The following SREBF2 variants were observed in gnomAD, a reference collection of about 807,000 sequenced individuals.
The protein encoded by SREBF2 is sterol regulatory element binding transcription factor 2.
A neutral mutation model predicts 113.1 loss-of-function variants in SREBF2; 55 were observed. The observed-to-expected ratio is 0.49, with a 90% confidence interval of 0.39 to 0.61. The LOEUF (loss-of-function observed/expected upper bound fraction) is 0.61. SREBF2 is among the 20% of genes least tolerant of loss of function. SREBF2 has a pLI of 0.00. For synonymous variants in SREBF2, 593 were observed against 605.7 expected, an observed-to-expected ratio of 0.98 and a Z score of 0.31; for missense variants, 1,349 against 1,487.4, an observed-to-expected ratio of 0.91 and a Z score of 1.53.
chr22:41,897,263 A>G, intron 14 of SREBF2, 102 bp downstream of exon 14: 1 of 683,998 alleles, frequency 1.5e-6, no homozygotes, highest in South Asian at 1.8e-5. Flanking sequence ...AGATGCCAGC[A>G]TCTTCTCTGG....
At chr22:41,878,635 A>G (rs1332041249) in intron 9 of SREBF2, 2 of 1,286,226 alleles carry the variant, frequency 1.6e-6, no homozygotes, top group African/African-American at 3.1e-5. Flanking sequence ...AAACTAGCTG[A>G]AAGTTTTCAT....
intron 9 of SREBF2, chr22:41,878,853 C>A: frequency 1.3e-6 from 1 of 743,282 alleles, no homozygotes; most frequent in Non-Finnish European, 2.0e-6. Flanking sequence ...CTTGCTGGGG[C>A]TATGGGTCTC....
intron 1 of SREBF2, among the ~76,000 whole-genome samples, chr22:41,854,252 C>T (rs1422300908): frequency 6.6e-6 from 1 of 151,538 alleles, no homozygotes; most frequent in African/African-American, 2.4e-5. Flanking sequence ...CAACCCCTGC[C>T]TCCCAGGTTC....
Position 41,897,166 on chromosome 22 carries a change from G to T in SREBF2, c.2605+5G>T, listed in dbSNP as rs754394304. The T allele has an allele frequency of 6.2e-7, 1 of 1,603,910 alleles. No homozygotes were observed. Among genetic ancestry groups the T allele is most frequent in the South Asian group, 1.1e-5 (1 of 90,336 alleles). On this transcript the variant is annotated splice_donor_5th_base_variant and intron_variant, in intron 14 of 18. Transcript: ENST00000361204. ...CCGTGCTCAAGTCCGCCCTGGGTAA[G>T]CACCTGCGGGTGGCCCACAGTCTCA... is the stretch of plus-strand genomic sequence containing the variant.
intron 5 of SREBF2, 67 bp downstream of exon 5, chr22:41,874,086 G>A: frequency 6.5e-7 from 1 of 1,545,382 alleles, no homozygotes; most frequent in Non-Finnish European, 8.9e-7. Context: ...TGCCTCAGGA[G>A]CCTAGAGAAG....
chr22:41,857,407 G>C (rs1318883016), intron 1 of SREBF2, among the ~76,000 whole-genome samples: 4 of 152,198 alleles, frequency 2.6e-5, no homozygotes, highest in Admixed American at 2.6e-4. Context: ...TGAGAGGCGG[G>C]GAGAGAGAGC....
rs907700636 is a variant in SREBF2, at chr22:41,899,663, C to T, written c.2739-667C>T. The stretch of plus-strand genomic sequence containing the variant: ...ACTCTGACTAGGTAAGCACCCAGCC[C>T]GGTATAGCATTCCACCTGTATGTGT... On this transcript the variant is annotated intron_variant, in intron 15 of 18. Transcript: ENST00000361204. The T allele has an allele frequency of 1.1e-4, 83 of 743,158 alleles. No individual in the cohort carries two copies. The African/African-American group carries it at 1.2e-3, about 11-fold the overall frequency. 46.0% of individuals were successfully genotyped at this position (743,158 alleles called of 1,614,324 possible).
chr22:41,842,847 G>A (rs570551385), intron 1 of SREBF2, among the ~76,000 whole-genome samples: 3 of 152,106 alleles, frequency 2.0e-5, no homozygotes, highest in African/African-American at 7.2e-5. Context: ...AAAATTAGCC[G>A]GGCGTGGTGG....
intron 1 of SREBF2, among the ~76,000 whole-genome samples, chr22:41,855,028 A>C (rs1339988640): frequency 6.6e-6 from 1 of 151,964 alleles, no homozygotes; most frequent in African/African-American, 2.4e-5. Flanking sequence ...TTAAAAAAAA[A>C]AAAAAAACTT....
intron 16 of SREBF2, 93 bp from the exon 17 acceptor site, chr22:41,902,877 G>A: frequency 7.4e-7 from 1 of 1,356,388 alleles, no homozygotes; most frequent in East Asian, 2.5e-5. Context: ...GCTGCTGAGT[G>A]TTGGTCTGGG....
intron 1 of SREBF2, among the ~76,000 whole-genome samples, chr22:41,842,113 A>C (rs927433710): frequency 1.3e-5 from 2 of 152,202 alleles, no homozygotes; most frequent in Non-Finnish European, 2.9e-5. Context: ...TGGGAATTAC[A>C]ACTTGGAAAT....
At chr22:41,870,744 A>C (rs2077132226) in intron 3 of SREBF2, 145 bp from the exon 4 acceptor site, 1 of 1,203,298 alleles carries the variant, frequency 8.3e-7, no homozygotes, top group Admixed American at 2.0e-5. Context: ...GCCTCTATGA[A>C]ATTTCCTGTT....
intron 12 of SREBF2, among the ~76,000 whole-genome samples, chr22:41,894,225 A>T (rs1045679116): frequency 1.3e-5 from 2 of 152,086 alleles, no homozygotes; most frequent in African/African-American, 4.8e-5. Context: ...CGAGGCCCAC[A>T]TATCTGCCAC....
At chr22:41,900,064 T>G (rs1362443027) in intron 15 of SREBF2, 1 of 1,389,620 alleles carries the variant, frequency 7.2e-7, no homozygotes, top group Non-Finnish European at 9.4e-7. Flanking sequence ...CTTGGGTGGC[T>G]TCTTAGCAGC....
In SREBF2 at chr22:41,884,861, C is replaced by A. The variant is rs750987960; in HGVS notation, c.2058C>A (p.Ser686=). Residue 686 remains serine, a synonymous_variant, in exon 11 of 19, where the codon TCC becomes TCA. Transcript: ENST00000361204. ...LHITGKLPAG[S]ACSDVHMALC... Reference sequence around the variant, plus strand: ...CCCTAGGGAAGCTTCCTGCAGGATCCGCCTGTTCCGATGTACACATGGCGT... The same window carrying A: ...CCCTAGGGAAGCTTCCTGCAGGATCAGCCTGTTCCGATGTACACATGGCGT... The A allele has an allele frequency of 1.9e-5, 31 of 1,614,072 alleles. No homozygotes were observed. Among genetic ancestry groups the A allele is most frequent in the Non-Finnish European group, 2.5e-5 (30 of 1,180,050 alleles).
intron 11 of SREBF2, among the ~76,000 whole-genome samples, chr22:41,890,134 TG>T (rs1326131173): frequency 6.6e-6 from 1 of 152,228 alleles, no homozygotes; most frequent in Non-Finnish European, 1.5e-5. Context: ...TGGAGTGGAA[TG>T]GCTCTTCACA....
intron 11 of SREBF2, among the ~76,000 whole-genome samples, chr22:41,890,880 C>A (rs2077354568): frequency 6.6e-6 from 1 of 151,174 alleles, no homozygotes; most frequent in Non-Finnish European, 1.5e-5. Context: ...TGCACTCCAG[C>A]CTGGGTGACA....
intron 1 of SREBF2, among the ~76,000 whole-genome samples, chr22:41,837,126 CAA>C (rs2076783541): frequency 6.6e-6 from 1 of 152,088 alleles, no homozygotes. Flanking sequence ...GCACTGTGAG[CAA>C]AATAAAATTG....
chr22:41,871,492 C>G (rs964015546), intron 4 of SREBF2, among the ~76,000 whole-genome samples: 1 of 152,180 alleles, frequency 6.6e-6, no homozygotes, highest in African/African-American at 2.4e-5. Context: ...GAAGCACTAG[C>G]TTTATTCATA....
Sources: allele counts gnomAD v4.1 joint callset (sites outside exome capture counted in the v4.1 genomes callset), GRCh38; gene constraint gnomAD v4.1.1; transcripts MANE v1.5; gene names NCBI Gene and HGNC (gene_info 2026-07-23, HGNC 2026-07-21).